The following MRTFB variants were observed in gnomAD, a reference collection of about 807,000 sequenced individuals.
MRTFB encodes myocardin-related transcription factor B.
Under a neutral mutation model 104.2 loss-of-function variants are expected in MRTFB, and 29 were observed. The ratio of observed to expected loss-of-function variants is 0.28; its 90% CI spans 0.21 to 0.38. The LOEUF is 0.38. Ranked by LOEUF, MRTFB falls within the 10% of genes least tolerant of loss-of-function variation. The pLI, the probability that MRTFB is intolerant of heterozygous loss-of-function variation, is 1.00. For missense variants in MRTFB, 1,270 were observed against 1,341.6 expected, an observed-to-expected ratio of 0.95 and a Z score of 0.83; for synonymous variants, 535 against 519.5, an observed-to-expected ratio of 1.03 and a Z score of -0.41.
intron 3 of MRTFB, among the ~76,000 whole-genome samples, chr16:14,190,922 A>G (rs1446665608): frequency 1.3e-5 from 2 of 152,224 alleles, no homozygotes; most frequent in Admixed American, 6.5e-5. Flanking sequence ...GATGAAGTAC[A>G]TGAAAGCTTA....
intron 3 of MRTFB, among the ~76,000 whole-genome samples, chr16:14,165,433 A>G (rs935105648): frequency 1.3e-5 from 2 of 151,994 alleles, no homozygotes; most frequent in East Asian, 1.9e-4. Context: ...AGTGACACCA[A>G]TTTGCCTTTA....
chr16:14,229,281 G>T (rs975902442), intron 8 of MRTFB, among the ~76,000 whole-genome samples: 6 of 152,080 alleles, frequency 3.9e-5, no homozygotes, highest in African/African-American at 1.2e-4. Context: ...TTTTAACAAA[G>T]CTAGAGTTTT....
the MRTFB span, among the ~76,000 whole-genome samples, chr16:14,029,208 C>T: frequency 6.6e-6 from 1 of 151,434 alleles, no homozygotes; most frequent in East Asian, 2.0e-4. Context: ...GGCTCAGGAT[C>T]CCTCCTGGGA....
rs1229880909 is a variant in MRTFB, at chr16:14,212,383, C to A, written c.250C>A (p.Gln84Lys). 3 of 1,613,948 alleles carry A rather than the reference C, an allele frequency of 1.9e-6. No individual in the cohort carries two copies. The South Asian group carries it at 3.3e-5, about 18-fold the overall frequency. ...PLKSPAAFHE[Q>K]IKSLERARTE... ...GAAGAGCCCAGCGGCATTCCATGAACAGATAAAAAGCTTGGAACGAGCCAG... is the reference window on the plus strand; with the variant it reads ...GAAGAGCCCAGCGGCATTCCATGAAAAGATAAAAAGCTTGGAACGAGCCAG... The change falls in exon 5 of 17, where the codon CAG becomes AAG. Residue 84 changes from glutamine (Q) to lysine (K), a missense_variant. By Grantham distance (53) the Gln-to-Lys change is moderately conservative (BLOSUM62 1). Coordinates refer to ENST00000571589, the MANE Select transcript of MRTFB (RefSeq NM_001308142.2).
At chr16:14,149,134 G>A (rs1416522239) in intron 3 of MRTFB, among the ~76,000 whole-genome samples, 1 of 152,148 alleles carries the variant, frequency 6.6e-6, no homozygotes, top group Non-Finnish European at 1.5e-5. Context: ...TTAAGGGTTG[G>A]CACGTATGCG....
chr16:14,152,478 G>A (rs2038662513), intron 3 of MRTFB: 1 of 151,752 alleles, frequency 6.6e-6, no homozygotes, highest in Non-Finnish European at 1.5e-5. Context: ...CACTAGAGGG[G>A]GTGGATCTAT....
intron 2 of MRTFB, among the ~76,000 whole-genome samples, chr16:14,117,947 C>T (rs1260208994): frequency 1.3e-5 from 2 of 152,074 alleles, no homozygotes; most frequent in Non-Finnish European, 2.9e-5. Context: ...TAAAGTATTT[C>T]ATGAATACAG....
chr16:14,133,867 C>T (rs548532827), intron 2 of MRTFB, among the ~76,000 whole-genome samples: 1 of 152,274 alleles, frequency 6.6e-6, no homozygotes, highest in South Asian at 2.1e-4. Context: ...ATTATGAATA[C>T]ACTTAAAAAC....
intron 3 of MRTFB, among the ~76,000 whole-genome samples, chr16:14,164,565 A>G (rs1288664843): frequency 1.3e-5 from 2 of 152,204 alleles, no homozygotes; most frequent in Non-Finnish European, 2.9e-5. Flanking sequence ...TGCCTTAAAC[A>G]TGGCAGTGCA....
intron 2 of MRTFB, among the ~76,000 whole-genome samples, chr16:14,088,903 T>C (rs2034883585): frequency 6.6e-6 from 1 of 152,248 alleles, no homozygotes; most frequent in African/African-American, 2.4e-5. Flanking sequence ...TTTGGTTAAT[T>C]CCATTCTGTA....
the MRTFB span, among the ~76,000 whole-genome samples, chr16:14,000,289 G>T: frequency 1.3e-5 from 2 of 152,242 alleles, no homozygotes; most frequent in Non-Finnish European, 1.5e-5. Flanking sequence ...AGCCCCCGGC[G>T]GGGGAGGAGG....
chr16:14,172,551 A>G (rs1372724228), intron 3 of MRTFB, among the ~76,000 whole-genome samples: 1 of 152,056 alleles, frequency 6.6e-6, no homozygotes, highest in Non-Finnish European at 1.5e-5. Context: ...ATTCCTAGAG[A>G]GAGGGTTGCT....
chr16:14,126,195 T>G (rs960705601), intron 2 of MRTFB, among the ~76,000 whole-genome samples: 1 of 152,156 alleles, frequency 6.6e-6, no homozygotes, highest in African/African-American at 2.4e-5. Flanking sequence ...AGAGGGTTTT[T>G]TTTTCCTTTT....
intron 8 of MRTFB, among the ~76,000 whole-genome samples, chr16:14,225,412 AGTT>A (rs200601479): frequency 0.026 from 3,964 of 152,230 alleles, 183 homozygotes; most frequent in African/African-American, 0.09. Context: ...ATGTGACTGA[AGTT>A]GTTATCAATG....
the MRTFB span, among the ~76,000 whole-genome samples, chr16:14,012,401 C>T: frequency 6.7e-6 from 1 of 149,358 alleles, no homozygotes; most frequent in African/African-American, 2.5e-5. Context: ...CGGGTTCAAG[C>T]GATTCTCCTG....
chr16:14,171,851 G>C (rs2039433391), intron 3 of MRTFB, among the ~76,000 whole-genome samples: 1 of 152,110 alleles, frequency 6.6e-6, no homozygotes, highest in South Asian at 2.1e-4. Flanking sequence ...CTACAAACTG[G>C]AGTTCAGTAT....
chr16:14,059,224 G>A, the MRTFB span, among the ~76,000 whole-genome samples: 2 of 151,926 alleles, frequency 1.3e-5, no homozygotes, highest in South Asian at 4.2e-4. Context: ...TCTTTGTGTT[G>A]TAAATATTCA....
At chr16:14,118,758 C>CAT (rs924082677) in intron 2 of MRTFB, among the ~76,000 whole-genome samples, 42 of 151,356 alleles carry the variant, frequency 2.8e-4, no homozygotes, top group East Asian at 7.8e-4. Context: ...TACACACACA[C>CAT]ATATATATAT....
intron 2 of MRTFB, among the ~76,000 whole-genome samples, chr16:14,090,300 G>A (rs2034976239): frequency 6.6e-6 from 1 of 152,150 alleles, no homozygotes; most frequent in South Asian, 2.1e-4. Flanking sequence ...CATCTTTTGT[G>A]TTTTCAGGTA....
Sources: gnomAD v4.1 joint callset for allele counts (sites outside exome capture counted in the v4.1 genomes callset) on GRCh38, gnomAD v4.1.1 for gene constraint, MANE v1.5 for transcripts, NCBI Gene and HGNC (gene_info 2026-07-23, HGNC 2026-07-21) for gene names.